The following PCLO variants were observed in gnomAD, a reference collection of about 807,000 sequenced individuals.
PCLO encodes piccolo presynaptic cytomatrix protein, also known as protein piccolo.
Under a neutral mutation model 427.5 loss-of-function variants are expected in PCLO, and 82 were observed. The observed-to-expected ratio is 0.19, with a 90% confidence interval of 0.16 to 0.23. PCLO has a LOEUF of 0.23. Ranked by LOEUF, PCLO falls within the 10% of genes least tolerant of loss-of-function variation. PCLO has a pLI of 1.00. For missense variants in PCLO, 6,239 were observed against 6,115.9 expected (o/e 1.02, Z -0.67); for synonymous variants, 2,357 against 2,155.4 (o/e 1.09, Z -2.59).
intron 20 of PCLO, among the ~76,000 whole-genome samples, chr7:82,807,233 TTAAA>T (rs1473121983): frequency 2.0e-4 from 31 of 151,438 alleles, no homozygotes; most frequent in Non-Finnish European, 5.9e-5. Context: ...GTCTTTGAGC[TTAAA>T]TAGTCTTTGA....
chr7:82,790,355 C>T (rs1034386842), intron 22 of PCLO, among the ~76,000 whole-genome samples: 30 of 152,138 alleles, frequency 2.0e-4, no homozygotes, highest in African/African-American at 6.3e-4. Context: ...TCTTGCACTA[C>T]TCCCTCCAGC....
At chr7:82,951,787 A>T in intron 5 of PCLO, 69 bp downstream of exon 5, 1 of 1,515,556 alleles carries the variant, frequency 6.6e-7, no homozygotes, top group Non-Finnish European at 8.8e-7. Flanking sequence ...CCACATTTTC[A>T]TCCTGAAATG....
At chr7:82,963,950 G>T (rs1795709953) in intron 4 of PCLO, among the ~76,000 whole-genome samples, 1 of 152,022 alleles carries the variant, frequency 6.6e-6, no homozygotes. Context: ...AAAAAGTACT[G>T]CATTCAGGAA....
At chr7:82,839,110 C>T (rs1025274444) in intron 14 of PCLO, among the ~76,000 whole-genome samples, 1 of 151,894 alleles carries the variant, frequency 6.6e-6, no homozygotes, top group Non-Finnish European at 1.5e-5. Flanking sequence ...TTGAAAGACT[C>T]TTTTGGCATC....
In PCLO at chr7:82,758,592, G is replaced by T. The variant is rs1164366622; in HGVS notation, c.15412C>A (p.Pro5138Thr). 1 of 1,611,446 alleles carries T rather than the reference G, an allele frequency of 6.2e-7. No individual in the cohort carries two copies. The highest frequency in any genetic ancestry group is 8.5e-7 in the Non-Finnish European group (1 of 1,178,330). The change falls in exon 25 of 25, where the codon CCT becomes ACT. Residue 5138 changes from proline to threonine, a missense_variant. Physicochemically the swap from Pro to Thr is conservative, Grantham distance 38. This residue lies in a region of PCLO where 877 missense variants were observed against 925.5 expected (regional missense o/e 0.95). Transcript: ENST00000333891. ...IVNWHKLLVS[P>T]TQTH The stretch of plus-strand genomic sequence containing the variant: ...ATGTTTCTTCAATGCGTTTGAGTAG[G>T]ACTGACCAAAAGTTTGTGCCAGTTG...
chr7:82,781,520 C>T (rs1023802292), intron 22 of PCLO, among the ~76,000 whole-genome samples: 1 of 136,298 alleles, frequency 7.3e-6, no homozygotes, highest in Non-Finnish European at 1.5e-5. Flanking sequence ...CAATGAGTAA[C>T]TGCCATTTCT....
chr7:83,084,021 A>G (rs367650327), intron 3 of PCLO, among the ~76,000 whole-genome samples: 15 of 152,312 alleles, frequency 9.8e-5, no homozygotes, highest in African/African-American at 3.6e-4. Flanking sequence ...TTCAGAGGAA[A>G]GATGAAGATG....
intron 18 of PCLO, among the ~76,000 whole-genome samples, chr7:82,825,136 G>A (rs1056559904): frequency 6.6e-6 from 1 of 152,022 alleles, no homozygotes; most frequent in African/African-American, 2.4e-5. Flanking sequence ...TTGAAATAGG[G>A]ATATGACTAC....
intron 22 of PCLO, among the ~76,000 whole-genome samples, chr7:82,791,674 T>C (rs1038336339): frequency 1.3e-5 from 2 of 152,190 alleles, no homozygotes; most frequent in African/African-American, 4.8e-5. Flanking sequence ...CTTTCTTATC[T>C]GTAAAACTGG....
Position 82,757,420 on chromosome 7 carries a change from A to G in PCLO, c.*1155T>C, listed in dbSNP as rs1790341170. Reference sequence around the variant, plus strand: ...ATCACTGTGATACTGTCACTAAAGTAAGAAAATAGAGCACTAGAGAGAACT... The same window carrying G: ...ATCACTGTGATACTGTCACTAAAGTGAGAAAATAGAGCACTAGAGAGAACT... On this transcript the variant is annotated 3_prime_UTR_variant, in exon 25 of 25. Transcript: ENST00000333891. 6.6e-6 allele frequency: 1 copy of G among 152,042 alleles called. No individual in the cohort carries two copies. The highest frequency in any genetic ancestry group is 2.1e-4 in the South Asian group (1 of 4,826). The allele number at this position is 152,042 out of a possible 1,614,324, so 9.4% of individuals were successfully genotyped here. A position where few individuals can be genotyped will look rare whatever the true frequency, so the allele number is the denominator to read the frequency against.
chr7:82,960,010 A>G (rs1795621221), intron 4 of PCLO, among the ~76,000 whole-genome samples: 1 of 152,172 alleles, frequency 6.6e-6, no homozygotes. Context: ...GTGCCAAGAC[A>G]TATCTGCACT....
Position 83,021,241 on chromosome 7 carries a change from C to T in PCLO, c.3301-54754G>A, listed in dbSNP as rs920006487. Among the ~76,000 whole-genome samples, 8 of 152,278 alleles carry T rather than the reference C, an allele frequency of 5.3e-5. No homozygotes were observed. The East Asian group carries it at 7.7e-4, about 15-fold the overall frequency. Reference sequence around the variant, plus strand: ...GGGTTTCTCCCATTTCCTTATTTGGCTGCCCTGTAATCATTAAACACTTTC... The same window carrying T: ...GGGTTTCTCCCATTTCCTTATTTGGTTGCCCTGTAATCATTAAACACTTTC... On this transcript the variant is annotated intron_variant, in intron 3 of 24. Transcript: ENST00000333891.
At chr7:82,912,136 C>T (rs902848978) in intron 7 of PCLO, among the ~76,000 whole-genome samples, 1 of 151,920 alleles carries the variant, frequency 6.6e-6, no homozygotes, top group Non-Finnish European at 1.5e-5. Flanking sequence ...GTTTTGTTCA[C>T]AGGATACTAA....
intron 3 of PCLO, among the ~76,000 whole-genome samples, chr7:83,129,782 A>G (rs2116596745): frequency 6.6e-6 from 1 of 152,312 alleles, no homozygotes; most frequent in East Asian, 1.9e-4. Flanking sequence ...ATATGGAGAA[A>G]TGTTATATGT....
At chr7:82,959,546 C>G in intron 4 of PCLO, among the ~76,000 whole-genome samples, 1 of 152,026 alleles carries the variant, frequency 6.6e-6, no homozygotes, top group Non-Finnish European at 1.5e-5. Flanking sequence ...AGATTAGGAC[C>G]AGACTTATAT....
chr7:82,821,462 G>T, intron 20 of PCLO: 11 of 985,414 alleles, frequency 1.1e-5, no homozygotes, highest in South Asian at 4.7e-5. Context: ...TTTAAAACTG[G>T]CTGTTTCTTT....
At chr7:82,940,755 C>A (rs923515593) in intron 6 of PCLO, among the ~76,000 whole-genome samples, 3 of 109,124 alleles carry the variant, frequency 2.7e-5, no homozygotes, top group East Asian at 2.7e-4. Flanking sequence ...TTTTTTCTTT[C>A]TTTTTTTTTT....
In PCLO at chr7:82,954,644, A is replaced by G; in HGVS notation, c.6309T>C (p.Asp2103=). The change falls in exon 5 of 25, where the codon GAT becomes GAC. Residue 2103 remains aspartate (D), a synonymous_variant. Coordinates refer to ENST00000333891, the MANE Select transcript of PCLO (RefSeq NM_033026.6). ...ESTMDFDRMP[D]ASLTSSVLSG... is the part of the protein sequence containing the mutation. ...AGAGAACACTTGATGTCAAAGAGGC[A>G]TCTGGCATTCTGTCAAAGTCCATGG... 1.2e-6 allele frequency: 2 copies of G among 1,613,968 alleles called. No homozygotes were observed. Among genetic ancestry groups the G allele is most frequent in the East Asian group, 2.2e-5 (1 of 44,860 alleles).
intron 3 of PCLO, among the ~76,000 whole-genome samples, chr7:83,054,247 A>T (rs2116278930): frequency 6.6e-6 from 1 of 152,192 alleles, no homozygotes; most frequent in East Asian, 1.9e-4. Flanking sequence ...TTATGCAAAA[A>T]GAAATGTTGC....
Sources: allele counts gnomAD v4.1 joint callset (sites outside exome capture counted in the v4.1 genomes callset), GRCh38; gene constraint gnomAD v4.1.1; regional missense constraint gnomAD v4.1.1; transcripts MANE v1.5; gene names NCBI Gene and HGNC (gene_info 2026-07-23, HGNC 2026-07-21).